KHDRBS2: variants seen among roughly 807,000 people sequenced by gnomAD.
The protein encoded by KHDRBS2 is KH domain-containing, RNA-binding, signal transduction-associated protein 2.
KHDRBS2 carries 26 observed loss-of-function variants against 44.3 expected under a neutral mutation model. That is an observed-to-expected ratio of 0.59 (90% confidence interval 0.43 to 0.81). The LOEUF is 0.81. Ranked by LOEUF, KHDRBS2 falls within the 40% of genes least tolerant of loss-of-function variation. KHDRBS2 has a pLI of 0.00. For synonymous variants in KHDRBS2, 194 were observed against 151.1 expected (o/e 1.28, Z -2.08); for missense variants, 476 against 433.1 (o/e 1.10, Z -0.88).
At chr6:61,800,352 C>T (rs2127589261) in intron 6 of KHDRBS2, among the ~76,000 whole-genome samples, 1 of 152,168 alleles carries the variant, frequency 6.6e-6, no homozygotes, top group South Asian at 2.1e-4. Flanking sequence ...TTCCTGTCAT[C>T]ATTAATATGA....
At chr6:61,841,530 C>T (rs1398020804) in intron 6 of KHDRBS2, among the ~76,000 whole-genome samples, 1 of 152,092 alleles carries the variant, frequency 6.6e-6, no homozygotes, top group Admixed American at 6.6e-5. Context: ...TTAATAATGA[C>T]CTCATTAATA....
At chr6:62,275,195 C>A (rs1322016379) in intron 1 of KHDRBS2, among the ~76,000 whole-genome samples, 4 of 152,136 alleles carry the variant, frequency 2.6e-5, no homozygotes, top group Admixed American at 2.6e-4. Flanking sequence ...AATATCCAAT[C>A]TTTCAGTAAT....
At chr6:62,032,151 A>G (rs942042697) in intron 3 of KHDRBS2, among the ~76,000 whole-genome samples, 2 of 152,206 alleles carry the variant, frequency 1.3e-5, no homozygotes, top group Admixed American at 6.5e-5. Flanking sequence ...GTTAATACTG[A>G]GTGTCAACTT....
the KHDRBS2 span, among the ~76,000 whole-genome samples, chr6:61,589,155 T>C: frequency 1.3e-5 from 2 of 152,084 alleles, no homozygotes; most frequent in Non-Finnish European, 2.9e-5. Context: ...GATAGGTTGA[T>C]AGGTGCAGCA....
At chr6:61,757,457 A>C (rs1167028275) in intron 6 of KHDRBS2, among the ~76,000 whole-genome samples, 1 of 152,080 alleles carries the variant, frequency 6.6e-6, no homozygotes, top group African/African-American at 2.4e-5. Context: ...TAATTAACTT[A>C]TTATATCTTT....
the KHDRBS2 span, among the ~76,000 whole-genome samples, chr6:61,597,490 C>T: frequency 6.6e-6 from 1 of 151,724 alleles, no homozygotes. Flanking sequence ...CTGGAAGTCT[C>T]TTTTAGACCC....
chr6:61,953,796 G>C (rs945103060), intron 4 of KHDRBS2, among the ~76,000 whole-genome samples: 2 of 152,128 alleles, frequency 1.3e-5, no homozygotes, highest in Non-Finnish European at 2.9e-5. Context: ...AGTGCAGCTT[G>C]AGAGAGAACA....
At chr6:61,814,902 C>T (rs914097558) in intron 6 of KHDRBS2, among the ~76,000 whole-genome samples, 1 of 152,130 alleles carries the variant, frequency 6.6e-6, no homozygotes, top group Non-Finnish European at 1.5e-5. Context: ...AGCACAAAAG[C>T]TCAAGTTCCT....
chr6:62,192,071 C>CA (rs1824741224), intron 1 of KHDRBS2, among the ~76,000 whole-genome samples: 2 of 151,984 alleles, frequency 1.3e-5, no homozygotes, highest in South Asian at 4.2e-4. Flanking sequence ...GATTGACATG[C>CA]AATGCATTAT....
In KHDRBS2 at chr6:61,945,133, A is replaced by G. The variant is rs1486375737; in HGVS notation, c.483+32933T>C. ...AAAAAGTATATATATATATATATAT[A>G]TATATATATATATATATACACACAG... On this transcript the variant is annotated intron_variant, in intron 4 of 8. Coordinates refer to ENST00000281156, the MANE Select transcript of KHDRBS2 (RefSeq NM_152688.4). 2.2e-3 allele frequency among the ~76,000 whole-genome samples: 215 copies of G among 98,250 alleles called. 22 individuals carry two copies. The highest frequency in any genetic ancestry group is 6.9e-3 in the African/African-American group (173 of 25,156). 64.5% of individuals were successfully genotyped at this position (98,250 alleles called of 152,430 possible).
chr6:61,608,150 T>C, the KHDRBS2 span, among the ~76,000 whole-genome samples: 4 of 152,184 alleles, frequency 2.6e-5, no homozygotes, highest in Non-Finnish European at 4.4e-5. Context: ...AGATACTTTT[T>C]ATGAAGGACA....
chr6:61,676,081 G>T (rs527580818), downstream of KHDRBS2, among the ~76,000 whole-genome samples: 1 of 151,868 alleles, frequency 6.6e-6, no homozygotes, highest in South Asian at 2.1e-4. Flanking sequence ...GACCAGCATT[G>T]TTTCCTGATA....
intron 4 of KHDRBS2, among the ~76,000 whole-genome samples, chr6:61,957,328 C>T (rs935361485): frequency 7.2e-5 from 11 of 152,164 alleles, no homozygotes; most frequent in Non-Finnish European, 1.5e-4. Context: ...CAGCAATGTT[C>T]AGGGAACAAG....
the KHDRBS2 span, among the ~76,000 whole-genome samples, chr6:61,590,052 T>C: frequency 6.6e-6 from 1 of 152,082 alleles, no homozygotes; most frequent in African/African-American, 2.4e-5. Flanking sequence ...TAAAAAAAAA[T>C]AGCAGCCAAA....
intron 1 of KHDRBS2, among the ~76,000 whole-genome samples, chr6:62,222,494 TG>T (rs1831068997): frequency 6.6e-6 from 1 of 152,142 alleles, no homozygotes; most frequent in Non-Finnish European, 1.5e-5. Context: ...ACTCATTCAC[TG>T]CCATGAGAAC....
At chr6:61,802,544 C>G (rs1467306750) in intron 6 of KHDRBS2, among the ~76,000 whole-genome samples, 1 of 152,100 alleles carries the variant, frequency 6.6e-6, no homozygotes, top group African/African-American at 2.4e-5. Flanking sequence ...ACTCTTGCCT[C>G]CTAATCTGTA....
At chr6:61,769,459 A>G (rs1477067416) in intron 6 of KHDRBS2, among the ~76,000 whole-genome samples, 1 of 152,134 alleles carries the variant, frequency 6.6e-6, no homozygotes. Flanking sequence ...GGTCACTCCC[A>G]CCCTAATACT....
intron 6 of KHDRBS2, among the ~76,000 whole-genome samples, chr6:61,871,123 T>A (rs1798596078): frequency 6.6e-6 from 1 of 152,112 alleles, no homozygotes; most frequent in Non-Finnish European, 1.5e-5. Context: ...AAAGGCTAGA[T>A]GACTTGCTAA....
chr6:61,848,561 A>ACG (rs1794940356), intron 6 of KHDRBS2, among the ~76,000 whole-genome samples: 19 of 38,440 alleles, frequency 4.9e-4, no homozygotes, highest in South Asian at 1.9e-3. Flanking sequence ...ACATATATAT[A>ACG]TGTATATATA....
Sources: gnomAD v4.1 joint callset for allele counts (sites outside exome capture counted in the v4.1 genomes callset) on GRCh38, gnomAD v4.1.1 for gene constraint, MANE v1.5 for transcripts, NCBI Gene and HGNC (gene_info 2026-07-23, HGNC 2026-07-21) for gene names.